The following USP37 variants were observed in gnomAD, a reference collection of about 807,000 sequenced individuals.
USP37 encodes ubiquitin specific peptidase 37, also known as ubiquitin carboxyl-terminal hydrolase 37.
USP37 carries 27 observed loss-of-function variants against 124.0 expected under a neutral mutation model. The ratio of observed to expected loss-of-function variants is 0.22; its 90% CI spans 0.16 to 0.30. The LOEUF (loss-of-function observed/expected upper bound fraction) is 0.30, where lower values mean the gene tolerates loss of function less well. Ranked by LOEUF, USP37 falls within the 10% of genes least tolerant of loss-of-function variation. The pLI, the probability that USP37 is intolerant of heterozygous loss-of-function variation, is 1.00. For synonymous variants in USP37, 365 were observed against 388.0 expected, an observed-to-expected ratio of 0.94 and a Z score of 0.70; for missense variants, 889 against 1,140.4, an observed-to-expected ratio of 0.78 and a Z score of 3.17.
chr2:218,543,629 C>T (rs752537147), intron 8 of USP37, among the ~76,000 whole-genome samples: 4 of 151,014 alleles, frequency 2.6e-5, no homozygotes, highest in African/African-American at 4.9e-5. Flanking sequence ...TGGCTAACAC[C>T]GTGAAACCCT....
intron 14 of USP37, among the ~76,000 whole-genome samples, chr2:218,493,875 G>T (rs1688928833): frequency 3.9e-5 from 6 of 152,050 alleles, no homozygotes; most frequent in African/African-American, 1.4e-4. Flanking sequence ...TTTCAACTGA[G>T]GCAACTTAAA....
At chr2:218,545,740 G>A (rs546965386) in intron 8 of USP37, among the ~76,000 whole-genome samples, 2 of 152,050 alleles carry the variant, frequency 1.3e-5, no homozygotes, top group Non-Finnish European at 2.9e-5. Context: ...AGCACCCTGG[G>A]TTGATCTATT....
intron 17 of USP37, among the ~76,000 whole-genome samples, chr2:218,480,914 T>C (rs17462853): frequency 2.0e-5 from 3 of 152,076 alleles, no homozygotes; most frequent in African/African-American, 4.8e-5. Context: ...CCTTTATTAG[T>C]AGACCCTTGA....
intron 3 of USP37, 151 bp from the exon 4 acceptor site, chr2:218,558,828 A>C: frequency 2.0e-6 from 1 of 497,900 alleles, no homozygotes; most frequent in Non-Finnish European, 3.5e-6. Flanking sequence ...CCAGTACTGT[A>C]TTTATTAGTG....
chr2:218,546,545 A>C (rs576489331), intron 7 of USP37, among the ~76,000 whole-genome samples: 52 of 152,180 alleles, frequency 3.4e-4, no homozygotes, highest in African/African-American at 1.2e-3. Flanking sequence ...CAGCCTCCCG[A>C]GTAGCTGGGA....
chr2:218,536,017 C>CAAAAAAAAAAAAAA (rs59248363), intron 8 of USP37, among the ~76,000 whole-genome samples: 1 of 80,828 alleles, frequency 1.2e-5, no homozygotes, highest in Non-Finnish European at 2.3e-5. Flanking sequence ...GACTTCATCT[C>CAAAAAAAAAAAAAA]AAAAAAAAAA....
intron 14 of USP37, among the ~76,000 whole-genome samples, chr2:218,489,171 A>T (rs1691764924): frequency 6.6e-6 from 1 of 151,154 alleles, no homozygotes; most frequent in Non-Finnish European, 1.5e-5. Context: ...CAGCCTGGCC[A>T]ACATGGTGAA....
rs534655870 is a variant in USP37, at chr2:218,450,789, C to T, written c.*4141G>A. On this transcript the variant is annotated 3_prime_UTR_variant, in exon 26 of 26. Coordinates refer to ENST00000258399, the MANE Select transcript of USP37 (RefSeq NM_020935.3). Reference sequence around the variant, plus strand: ...TCTTATGCCAATGGACATACCTATACTTTGAACCTCTGTACTTTTAAGAAA... The same window carrying T: ...TCTTATGCCAATGGACATACCTATATTTTGAACCTCTGTACTTTTAAGAAA... 6.6e-6 allele frequency: 1 copy of T among 152,222 alleles called. No homozygotes were observed. The highest frequency in any genetic ancestry group is 2.4e-5 in the African/African-American group (1 of 41,454). 9.4% of individuals were successfully genotyped at this position (152,222 alleles called of 1,614,324 possible).
intron 14 of USP37, 102 bp from the exon 15 acceptor site, chr2:218,488,523 ACACTAT>A (rs1193908318): frequency 1.4e-6 from 1 of 695,292 alleles, no homozygotes; most frequent in East Asian, 2.6e-5. Context: ...TGGTACTGAC[ACACTAT>A]CACCAGGCAT....
chr2:218,522,573 A>G (rs995699772), intron 10 of USP37, among the ~76,000 whole-genome samples: 42 of 151,344 alleles, frequency 2.8e-4, no homozygotes, highest in Non-Finnish European at 5.9e-5. Context: ...AAAAAAAAAA[A>G]AAAAAAGTTT....
chr2:218,560,528 A>G (rs1320474126), intron 3 of USP37, among the ~76,000 whole-genome samples: 1 of 152,192 alleles, frequency 6.6e-6, no homozygotes, highest in African/African-American at 2.4e-5. Context: ...CATGTCCATA[A>G]TACCTCTTTC....
intron 11 of USP37, among the ~76,000 whole-genome samples, chr2:218,505,143 C>T (rs987754927): frequency 6.6e-6 from 1 of 152,106 alleles, no homozygotes; most frequent in Non-Finnish European, 1.5e-5. Flanking sequence ...GCCTCCCAAG[C>T]AGATGGAACT....
intron 22 of USP37, among the ~76,000 whole-genome samples, chr2:218,461,954 C>T (rs1323590793): frequency 6.6e-6 from 1 of 152,164 alleles, no homozygotes; most frequent in East Asian, 1.9e-4. Flanking sequence ...GTCAAGAGTT[C>T]GAGACCTGCC....
intron 5 of USP37, among the ~76,000 whole-genome samples, chr2:218,552,950 T>C (rs201061258): frequency 1.6e-4 from 23 of 147,732 alleles, no homozygotes; most frequent in African/African-American, 5.9e-4. Context: ...AACAAATAAA[T>C]AAATAATAAA....
At chr2:218,544,406 A>AAAAAAAATAT (rs1312705279) in intron 8 of USP37, among the ~76,000 whole-genome samples, 3 of 82,994 alleles carry the variant, frequency 3.6e-5, no homozygotes, top group African/African-American at 2.1e-4. Context: ...AAAAAAAAAA[A>AAAAAAAATAT]ATATATATAT....
intron 8 of USP37, among the ~76,000 whole-genome samples, chr2:218,542,953 T>C (rs982014574): frequency 6.6e-6 from 1 of 152,118 alleles, no homozygotes; most frequent in Non-Finnish European, 1.5e-5. Context: ...AGTAAGAGGA[T>C]AGGGAGGTAC....
intron 10 of USP37, among the ~76,000 whole-genome samples, chr2:218,525,875 T>C (rs1487952140): frequency 6.6e-6 from 1 of 152,174 alleles, no homozygotes; most frequent in Non-Finnish European, 1.5e-5. Context: ...GTGTGTGTTG[T>C]TCTACTCTAT....
chr2:218,478,597 G>A (rs2105971841), intron 18 of USP37, among the ~76,000 whole-genome samples: 1 of 152,290 alleles, frequency 6.6e-6, no homozygotes, highest in South Asian at 2.1e-4. Flanking sequence ...AGATGACCAT[G>A]CCAAGGTACA....
At chr2:218,497,894 C>T (rs761947163) in intron 12 of USP37, 37 bp from the exon 13 acceptor site, 2 of 1,604,372 alleles carry the variant, frequency 1.2e-6, no homozygotes, top group South Asian at 1.1e-5. Context: ...GCACGTTTTA[C>T]ATGACATGGC....
Sources: gnomAD v4.1 joint callset for allele counts (sites outside exome capture counted in the v4.1 genomes callset) on GRCh38, gnomAD v4.1.1 for gene constraint, MANE v1.5 for transcripts, NCBI Gene and HGNC (gene_info 2026-07-23, HGNC 2026-07-21) for gene names.